Variants in IDE observed in about 807,000 individuals in gnomAD.
IDE encodes insulin-degrading enzyme.
In IDE, 58 loss-of-function variants were observed where a neutral mutation model predicts 133.2. That is an observed-to-expected ratio of 0.44 (90% CI 0.35 to 0.54). The LOEUF is 0.54. Among genes scored for constraint, IDE ranks in the 20% least tolerant of loss-of-function variants. The pLI is 0.00. For synonymous variants in IDE, 396 were observed against 421.3 expected (o/e 0.94, Z 0.73); for missense variants, 981 against 1,234.0 (o/e 0.79, Z 3.07).
intron 20 of IDE, 38 bp from the exon 21 acceptor site, chr10:92,464,041 T>C: frequency 1.3e-6 from 2 of 1,578,952 alleles, no homozygotes; most frequent in East Asian, 2.3e-5. Flanking sequence ...ACCGTGGCAT[T>C]TGAGACCTGG....
chr10:92,562,990 C>G (rs1314513703), intron 1 of IDE, among the ~76,000 whole-genome samples: 1 of 151,932 alleles, frequency 6.6e-6, no homozygotes, highest in Non-Finnish European at 1.5e-5. Flanking sequence ...GTGGCTCACG[C>G]CTGTAATCCC....
At chr10:92,458,050 C>T (rs1376127028) in intron 22 of IDE, among the ~76,000 whole-genome samples, 1 of 152,200 alleles carries the variant, frequency 6.6e-6, no homozygotes, top group Non-Finnish European at 1.5e-5. Flanking sequence ...CCTTGTCTAC[C>T]CACATCAGCA....
At chr10:92,484,418 A>G (rs1564613389) in intron 13 of IDE, among the ~76,000 whole-genome samples, 3 of 151,842 alleles carry the variant, frequency 2.0e-5, no homozygotes, top group African/African-American at 7.3e-5. Context: ...CTCCATCTCA[A>G]AAAACAAAAC....
chr10:92,556,798 C>A (rs559503551), intron 1 of IDE, among the ~76,000 whole-genome samples: 1 of 151,866 alleles, frequency 6.6e-6, no homozygotes, highest in Non-Finnish European at 1.5e-5. Context: ...GTGGTGGGCG[C>A]CTGTAATCCC....
intron 5 of IDE, 63 bp from the exon 6 acceptor site, chr10:92,510,225 T>A: frequency 1.2e-6 from 1 of 820,390 alleles, no homozygotes; most frequent in Non-Finnish European, 2.0e-6. Flanking sequence ...CAGGGAGTGC[T>A]TAAAATCTTA....
chr10:92,488,281 T>C (rs1165808392), intron 12 of IDE, among the ~76,000 whole-genome samples: 2 of 152,126 alleles, frequency 1.3e-5, no homozygotes, highest in Non-Finnish European at 2.9e-5. Flanking sequence ...ATTTCTGTAT[T>C]TTATTAGAGA....
At chr10:92,514,858 G>A in intron 5 of IDE, 62 bp downstream of exon 5, 1 of 1,429,334 alleles carries the variant, frequency 7.0e-7, no homozygotes. Flanking sequence ...CTAACACTGT[G>A]AAAAAGCCAA....
chr10:92,484,631 G>A (rs1163318670), intron 13 of IDE, among the ~76,000 whole-genome samples: 1 of 151,920 alleles, frequency 6.6e-6, no homozygotes, highest in Non-Finnish European at 1.5e-5. Flanking sequence ...TACTTAGGAG[G>A]CTGAGGCATG....
intron 1 of IDE, among the ~76,000 whole-genome samples, chr10:92,560,278 G>C (rs762909323): frequency 9.9e-5 from 15 of 152,140 alleles, no homozygotes; most frequent in Non-Finnish European, 2.2e-4. Flanking sequence ...TGGCTTCTGG[G>C]AACGGTGTCT....
intron 19 of IDE, among the ~76,000 whole-genome samples, chr10:92,466,491 A>G (rs891985455): frequency 1.3e-5 from 2 of 151,600 alleles, no homozygotes; most frequent in Non-Finnish European, 2.9e-5. Context: ...TAATTTTTCT[A>G]TTTTTGGTAG....
At chr10:92,549,112 G>C (rs924941540) in intron 1 of IDE, among the ~76,000 whole-genome samples, 1 of 152,034 alleles carries the variant, frequency 6.6e-6, no homozygotes, top group Admixed American at 6.6e-5. Context: ...ACAAAAATCA[G>C]CTGGGCATGG....
chr10:92,546,979 T>C (rs1400264514), intron 1 of IDE, among the ~76,000 whole-genome samples: 4 of 152,182 alleles, frequency 2.6e-5, no homozygotes, highest in Non-Finnish European at 4.4e-5. Context: ...AACGTTAACA[T>C]TTCTTCAAAC....
chr10:92,537,340 G>A lies in IDE; in HGVS notation c.283+26C>T, dbSNP rs371852617. The A allele has an allele frequency of 5.1e-6, 8 of 1,560,628 alleles. No individual in the cohort carries two copies. In the African/African-American group the frequency reaches 1.1e-4, roughly 21 times the overall value. On this transcript the variant is annotated intron_variant, in intron 2 of 24. Coordinates refer to ENST00000265986, the MANE Select transcript of IDE (RefSeq NM_004969.4). ...CATTAGGTCAATGAAACAAAACAAA[G>A]CTTAATTCACAATTTTCAATTGTAC...
intron 22 of IDE, among the ~76,000 whole-genome samples, chr10:92,457,306 C>CTAA: frequency 6.6e-6 from 1 of 152,258 alleles, no homozygotes; most frequent in East Asian, 1.9e-4. Flanking sequence ...CTGAGTCCTG[C>CTAA]GTTATATCAG....
chr10:92,521,248 G>C lies in IDE; in HGVS notation c.662-6206C>G, dbSNP rs200017944. 3.3e-5 allele frequency among the ~76,000 whole-genome samples: 5 copies of C among 152,182 alleles called. No individual in the cohort carries two copies. In the East Asian group the frequency reaches 9.6e-4, roughly 29 times the overall value. ...GCAACATCATAAATGACCAGACATTGTATGCCCAATGGAAAAATACATCAC... is the reference window on the plus strand; with the variant it reads ...GCAACATCATAAATGACCAGACATTCTATGCCCAATGGAAAAATACATCAC... On this transcript the variant is annotated intron_variant, in intron 4 of 24. Transcript: ENST00000265986.
intron 4 of IDE, among the ~76,000 whole-genome samples, chr10:92,523,679 C>T (rs191927652): frequency 2.1e-5 from 3 of 143,310 alleles, no homozygotes; most frequent in African/African-American, 5.2e-5. Flanking sequence ...TCAGCATGGG[C>T]GACAAGAGTA....
At chr10:92,534,234 G>A (rs1030651662) in intron 3 of IDE, among the ~76,000 whole-genome samples, 3 of 152,178 alleles carry the variant, frequency 2.0e-5, no homozygotes, top group Admixed American at 6.5e-5. Context: ...GGAAATGAAC[G>A]AGGAGAGAAT....
intron 1 of IDE, among the ~76,000 whole-genome samples, chr10:92,567,159 T>C (rs1204975675): frequency 6.6e-6 from 1 of 152,176 alleles, no homozygotes; most frequent in Non-Finnish European, 1.5e-5. Context: ...CCTACAAGAC[T>C]GTGCCCACTG....
chr10:92,562,650 C>T (rs1589548752), intron 1 of IDE, among the ~76,000 whole-genome samples: 1 of 152,112 alleles, frequency 6.6e-6, no homozygotes, highest in African/African-American at 2.4e-5. Flanking sequence ...TTACCCTGGA[C>T]CAAATGTTAT....
Sources: gnomAD v4.1 joint callset for allele counts (sites outside exome capture counted in the v4.1 genomes callset) on GRCh38, gnomAD v4.1.1 for gene constraint, MANE v1.5 for transcripts, NCBI Gene and HGNC (gene_info 2026-07-23, HGNC 2026-07-21) for gene names.